MMP16: variants seen among roughly 807,000 people sequenced by gnomAD.
MMP16 encodes the protein matrix metalloproteinase-16.
Under a neutral mutation model 67.8 loss-of-function variants are expected in MMP16, and 12 were observed. The observed-to-expected ratio is 0.18, with a 90% CI of 0.11 to 0.29. MMP16 has a LOEUF of 0.29. MMP16 is among the 10% of genes least tolerant of loss of function. The pLI, the probability that MMP16 is intolerant of heterozygous loss-of-function variation, is 1.00. For synonymous variants in MMP16, 249 were observed against 255.9 expected, an observed-to-expected ratio of 0.97 and a Z score of 0.26; for missense variants, 475 against 765.7, an observed-to-expected ratio of 0.62 and a Z score of 4.48.
At chr8:88,290,280 C>A (rs1362435675) in intron 1 of MMP16, among the ~76,000 whole-genome samples, 1 of 152,056 alleles carries the variant, frequency 6.6e-6, no homozygotes, top group Non-Finnish European at 1.5e-5. Context: ...GGGCCAGGCA[C>A]GGTGGCTCAC....
At chr8:88,295,932 C>T (rs916608554) in intron 1 of MMP16, among the ~76,000 whole-genome samples, 3 of 152,088 alleles carry the variant, frequency 2.0e-5, no homozygotes, top group East Asian at 1.9e-4. Flanking sequence ...ATAATCAGTA[C>T]ATGTGGGAAA....
chr8:88,315,926 T>C (rs953266776), intron 1 of MMP16, among the ~76,000 whole-genome samples: 1 of 152,138 alleles, frequency 6.6e-6, no homozygotes, highest in Non-Finnish European at 1.5e-5. Flanking sequence ...GATACTCCAG[T>C]GAACACACAA....
At chr8:88,302,978 C>T (rs1811128215) in intron 1 of MMP16, among the ~76,000 whole-genome samples, 2 of 152,202 alleles carry the variant, frequency 1.3e-5, no homozygotes, top group Admixed American at 1.3e-4. Flanking sequence ...ACTCGGGAAA[C>T]CACACTTCTC....
chr8:88,279,265 C>T (rs1407182127), intron 1 of MMP16, among the ~76,000 whole-genome samples: 2 of 151,468 alleles, frequency 1.3e-5, no homozygotes, highest in East Asian at 3.9e-4. Flanking sequence ...GTAAACTATC[C>T]CATTAATATT....
intron 1 of MMP16, among the ~76,000 whole-genome samples, chr8:88,273,999 T>C (rs1003415460): frequency 1.3e-5 from 2 of 152,080 alleles, no homozygotes; most frequent in Non-Finnish European, 2.9e-5. Flanking sequence ...ATCATCAACA[T>C]TGCTAACGTT....
intron 3 of MMP16, among the ~76,000 whole-genome samples, chr8:88,171,175 C>T (rs1350931187): frequency 6.6e-6 from 1 of 152,110 alleles, no homozygotes; most frequent in East Asian, 1.9e-4. Context: ...GATTTGACAA[C>T]ACATCGCTGT....
intron 6 of MMP16, among the ~76,000 whole-genome samples, chr8:88,101,730 A>C (rs907983425): frequency 1.3e-5 from 2 of 151,934 alleles, no homozygotes; most frequent in African/African-American, 2.4e-5. Flanking sequence ...GGACAGATTA[A>C]GAATATGATG....
chr8:88,219,982 C>G (rs1056073645), intron 1 of MMP16, among the ~76,000 whole-genome samples: 2 of 151,828 alleles, frequency 1.3e-5, no homozygotes, highest in Non-Finnish European at 2.9e-5. Context: ...ATATTTATAC[C>G]GCCTTTAATA....
intron 7 of MMP16, among the ~76,000 whole-genome samples, chr8:88,070,995 A>C (rs1392920913): frequency 6.6e-6 from 1 of 152,126 alleles, no homozygotes; most frequent in Non-Finnish European, 1.5e-5. Context: ...AAAAAGCAGT[A>C]AGATTATGTT....
intron 6 of MMP16, among the ~76,000 whole-genome samples, chr8:88,087,057 A>G (rs1012861916): frequency 4.6e-5 from 7 of 152,032 alleles, no homozygotes; most frequent in African/African-American, 1.7e-4. Flanking sequence ...GTGTCTTCAC[A>G]GAAATTCTTA....
At chr8:88,241,269 C>T (rs914338631) in intron 1 of MMP16, among the ~76,000 whole-genome samples, 12 of 152,000 alleles carry the variant, frequency 7.9e-5, no homozygotes, top group Non-Finnish European at 1.0e-4. Flanking sequence ...TCTTTAATTT[C>T]GGAAGTCTCT....
In MMP16 at chr8:88,317,364, C is replaced by T. The variant is rs1811389698; in HGVS notation, c.132+9711G>A. Among the ~76,000 whole-genome samples the T allele has an allele frequency of 2.0e-5, 3 of 152,182 alleles. No homozygotes were observed. The South Asian group carries it at 6.2e-4, about 32-fold the overall frequency. On this transcript the variant is annotated intron_variant, in intron 1 of 9. Coordinates refer to ENST00000286614, the MANE Select transcript of MMP16 (RefSeq NM_005941.5). Reference sequence around the variant, plus strand: ...TCAGCAGTCAGCAGCATCAAGGCAACACCCTCCAGCCACAAAAAGAGGACT... The same window carrying T: ...TCAGCAGTCAGCAGCATCAAGGCAATACCCTCCAGCCACAAAAAGAGGACT...
At position 88,046,773 on chromosome 8, in the gene MMP16, T is replaced by C; in HGVS notation, c.1385A>G (p.Tyr462Cys). 6.3e-7 allele frequency: 1 copy of C among 1,595,526 alleles called. No homozygotes were observed. The highest frequency in any genetic ancestry group is 8.6e-7 in the Non-Finnish European group (1 of 1,169,432). The change falls in exon 9 of 10, where the codon TAT (tyrosine) becomes TGT (cysteine). Residue 462 changes from tyrosine (Y) to cysteine (C), a missense_variant. This residue lies in a region of MMP16 where 195 missense variants were observed against 300.9 expected (regional missense o/e 0.65). Transcript: ENST00000286614. ...YFFKGDRYWRYSEEMKTMDPG... is the reference protein window; with the variant it reads ...YFFKGDRYWRCSEEMKTMDPG... ...GTCCATTGTTTTCATTTCTTCACTATATCTCCAATATCTACAAAGGATAAA... is the reference window on the plus strand; with the variant it reads ...GTCCATTGTTTTCATTTCTTCACTACATCTCCAATATCTACAAAGGATAAA...
intron 1 of MMP16, among the ~76,000 whole-genome samples, chr8:88,324,595 ACTG>A: frequency 6.6e-6 from 1 of 152,270 alleles, no homozygotes; most frequent in Middle Eastern, 3.4e-3. Context: ...TTCATGCATG[ACTG>A]ATATCATTAC....
chr8:88,247,748 G>T (rs568119087), intron 1 of MMP16, among the ~76,000 whole-genome samples: 1 of 152,068 alleles, frequency 6.6e-6, no homozygotes, highest in Admixed American at 6.6e-5. Flanking sequence ...CTGTACCTTC[G>T]CTCCACACTG....
intron 1 of MMP16, among the ~76,000 whole-genome samples, chr8:88,244,472 G>A (rs964071420): frequency 6.6e-6 from 1 of 152,094 alleles, no homozygotes; most frequent in South Asian, 2.1e-4. Context: ...TCACTTTGTG[G>A]TACATCATTC....
intron 6 of MMP16, among the ~76,000 whole-genome samples, chr8:88,105,819 A>G (rs963230204): frequency 2.0e-5 from 3 of 151,378 alleles, no homozygotes; most frequent in Non-Finnish European, 4.4e-5. Context: ...TAAAGACAAA[A>G]TTAAAAACAA....
At chr8:88,221,225 T>C (rs1410236716) in intron 1 of MMP16, among the ~76,000 whole-genome samples, 1 of 152,116 alleles carries the variant, frequency 6.6e-6, no homozygotes, top group African/African-American at 2.4e-5. Context: ...CCAGGCAGGT[T>C]TGTTTTCTTC....
At chr8:88,112,475 T>C (rs1809353236) in intron 6 of MMP16, among the ~76,000 whole-genome samples, 1 of 151,818 alleles carries the variant, frequency 6.6e-6, no homozygotes, top group South Asian at 2.1e-4. Flanking sequence ...TACAACAGCT[T>C]ACACTCTTCA....
Sources: allele counts gnomAD v4.1 joint callset (sites outside exome capture counted in the v4.1 genomes callset), GRCh38; gene constraint gnomAD v4.1.1; regional missense constraint gnomAD v4.1.1; transcripts MANE v1.5; gene names NCBI Gene and HGNC (gene_info 2026-07-23, HGNC 2026-07-21).